CA10: variants seen among roughly 807,000 people sequenced by gnomAD.
CA10 encodes carbonic anhydrase-related protein 10.
A neutral mutation model predicts 44.2 loss-of-function variants in CA10; 14 were observed. The observed-to-expected ratio is 0.32, with a 90% CI of 0.21 to 0.50. The LOEUF is 0.50. CA10 is among the 20% of genes least tolerant of loss of function. The pLI, the probability that CA10 is intolerant of heterozygous loss-of-function variation, is 0.99. For missense variants in CA10, 350 were observed against 409.7 expected (o/e 0.85, Z 1.26); for synonymous variants, 159 against 141.6 (o/e 1.12, Z -0.87).
At chr17:52,067,127 A>G (rs1987558567) in intron 2 of CA10, among the ~76,000 whole-genome samples, 1 of 152,262 alleles carries the variant, frequency 6.6e-6, no homozygotes, top group Non-Finnish European at 1.5e-5. Flanking sequence ...AAATGTCTCC[A>G]GGGCATGTCA....
At chr17:51,667,960 A>G (rs1272509147) in intron 4 of CA10, among the ~76,000 whole-genome samples, 2 of 152,196 alleles carry the variant, frequency 1.3e-5, no homozygotes, top group Non-Finnish European at 2.9e-5. Flanking sequence ...CTGTGGCTTT[A>G]CTTGGAAACC....
rs372078721 is a variant in CA10, at chr17:52,123,127, A to G, written c.61+34599T>C. On this transcript the variant is annotated intron_variant, in intron 1 of 8. Transcript: ENST00000451037. ...CAAAGGCGGAGATACTTGACCTGCA[A>G]CTCAGCCTGCCAAGCTTCATCAAGG... is the stretch of plus-strand genomic sequence containing the variant. Among the ~76,000 whole-genome samples the G allele has an allele frequency of 3.3e-5, 5 of 152,264 alleles. No homozygotes were observed. The South Asian group carries it at 8.3e-4, about 25-fold the overall frequency.
chr17:52,101,714 G>T (rs1278566891), intron 1 of CA10, among the ~76,000 whole-genome samples: 1 of 152,170 alleles, frequency 6.6e-6, no homozygotes, highest in African/African-American at 2.4e-5. Flanking sequence ...CCATTGAACG[G>T]TTGACTACTA....
At chr17:52,076,313 C>CA (rs1356879050) in intron 1 of CA10, among the ~76,000 whole-genome samples, 2 of 152,220 alleles carry the variant, frequency 1.3e-5, no homozygotes, top group Non-Finnish European at 2.9e-5. Context: ...CAGAAAGTTG[C>CA]AAAACACTTT....
At chr17:51,785,796 A>T (rs547172310) in intron 3 of CA10, among the ~76,000 whole-genome samples, 89 of 152,228 alleles carry the variant, frequency 5.8e-4, no homozygotes, top group African/African-American at 2.0e-3. Flanking sequence ...TGGGTCTTTT[A>T]TGGTTCCATA....
chr17:51,792,872 A>G (rs1335067319), intron 3 of CA10, among the ~76,000 whole-genome samples: 1 of 152,328 alleles, frequency 6.6e-6, no homozygotes, highest in African/African-American at 2.4e-5. Context: ...TGTATTCTCC[A>G]AAAGACTATA....
At chr17:51,706,507 A>C (rs1308765916) in intron 4 of CA10, among the ~76,000 whole-genome samples, 1 of 152,232 alleles carries the variant, frequency 6.6e-6, no homozygotes, top group Non-Finnish European at 1.5e-5. Flanking sequence ...AGCTATCAGC[A>C]TCTCTTTCCC....
chr17:52,057,461 A>T (rs1156687370), intron 2 of CA10, among the ~76,000 whole-genome samples: 1 of 151,902 alleles, frequency 6.6e-6, no homozygotes, highest in Non-Finnish European at 1.5e-5. Flanking sequence ...AGCTTTGTTT[A>T]TTGTAAGAAT....
chr17:51,893,291 C>T (rs534245063), intron 3 of CA10, among the ~76,000 whole-genome samples: 28 of 152,168 alleles, frequency 1.8e-4, no homozygotes, highest in Non-Finnish European at 3.8e-4. Flanking sequence ...GCTCTAAGTC[C>T]GAAGCCAGGG....
intron 2 of CA10, among the ~76,000 whole-genome samples, chr17:52,008,195 T>C (rs1217865433): frequency 6.6e-6 from 1 of 151,900 alleles, no homozygotes; most frequent in South Asian, 2.1e-4. Context: ...TCCAGAGGAT[T>C]CCTTTGCAAA....
intron 4 of CA10, among the ~76,000 whole-genome samples, chr17:51,712,845 T>G (rs1915985266): frequency 6.6e-6 from 1 of 152,130 alleles, no homozygotes; most frequent in Admixed American, 6.5e-5. Flanking sequence ...CTTTTGGGGG[T>G]TTGCCAAAAA....
intron 4 of CA10, among the ~76,000 whole-genome samples, chr17:51,680,879 G>A (rs1242728696): frequency 6.6e-6 from 1 of 152,018 alleles, no homozygotes; most frequent in Non-Finnish European, 1.5e-5. Flanking sequence ...GCAGATTGAT[G>A]CTATTGCTTG....
At chr17:52,058,691 C>G (rs1449395377) in intron 2 of CA10, among the ~76,000 whole-genome samples, 3 of 152,198 alleles carry the variant, frequency 2.0e-5, no homozygotes, top group African/African-American at 4.8e-5. Flanking sequence ...GCATACCTGG[C>G]AGATGCCTAT....
chr17:51,940,877 T>G (rs748119117), intron 2 of CA10, among the ~76,000 whole-genome samples: 4 of 152,092 alleles, frequency 2.6e-5, no homozygotes, highest in Non-Finnish European at 5.9e-5. Context: ...GAGGACACAC[T>G]TTGCTGAATA....
At chr17:51,860,349 A>T (rs991565160) in intron 3 of CA10, among the ~76,000 whole-genome samples, 4 of 152,170 alleles carry the variant, frequency 2.6e-5, no homozygotes, top group African/African-American at 9.7e-5. Context: ...TTAAGGCTTT[A>T]TTTTCAGCAT....
chr17:51,730,520 G>A (rs972527318), intron 4 of CA10, among the ~76,000 whole-genome samples: 3 of 152,180 alleles, frequency 2.0e-5, no homozygotes, highest in African/African-American at 7.2e-5. Context: ...TTGCAATAAA[G>A]CGAGTCATGC....
At chr17:51,649,907 G>A (rs1913492991) in intron 5 of CA10, among the ~76,000 whole-genome samples, 1 of 149,198 alleles carries the variant, frequency 6.7e-6, no homozygotes, top group South Asian at 2.1e-4. Flanking sequence ...AAGTATCACT[G>A]CTCATTATTG....
chr17:52,117,062 A>G (rs1988913121), intron 1 of CA10, among the ~76,000 whole-genome samples: 1 of 152,210 alleles, frequency 6.6e-6, no homozygotes, highest in South Asian at 2.1e-4. Flanking sequence ...GCTCAGCTTA[A>G]TTAGAAGTGT....
At chr17:51,779,134 A>T (rs1905942642) in intron 3 of CA10, among the ~76,000 whole-genome samples, 2 of 152,054 alleles carry the variant, frequency 1.3e-5, no homozygotes, top group South Asian at 4.2e-4. Flanking sequence ...GGTGTTTGGG[A>T]GTTGGCAGGT....
Sources: allele counts gnomAD v4.1 joint callset (sites outside exome capture counted in the v4.1 genomes callset), GRCh38; gene constraint gnomAD v4.1.1; transcripts MANE v1.5; gene names NCBI Gene and HGNC (gene_info 2026-07-23, HGNC 2026-07-21).